ATL1: variants seen among roughly 807,000 people sequenced by gnomAD.
ATL1 encodes atlastin-1.
ATL1 carries 31 observed loss-of-function variants against 75.5 expected under a neutral mutation model. That is an observed-to-expected ratio of 0.41 (90% CI 0.31 to 0.55). The LOEUF is 0.55. ATL1 is among the 20% of genes least tolerant of loss of function. ATL1 has a pLI of 0.27. For missense variants in ATL1, 405 were observed against 662.6 expected, an observed-to-expected ratio of 0.61 and a Z score of 4.27; for synonymous variants, 226 against 233.3, an observed-to-expected ratio of 0.97 and a Z score of 0.28.
Position 50,614,528 on chromosome 14 carries a change from G to C in ATL1, c.862+17G>C, listed in dbSNP as rs750572334. On this transcript the variant is annotated intron_variant, in intron 8 of 13. Coordinates refer to ENST00000358385, the MANE Select transcript of ATL1 (RefSeq NM_015915.5). ...AATTGAAAGGTTTGTGTCTTTTAAT[G>C]AATATGTTTGCATCACTTAGTCTGA... 1 of 1,612,468 alleles carries C rather than the reference G, an allele frequency of 6.2e-7. No homozygotes were observed. Among genetic ancestry groups the C allele is most frequent in the Admixed American group, 1.7e-5 (1 of 59,880 alleles).
intron 1 of ATL1, among the ~76,000 whole-genome samples, chr14:50,563,030 C>T (rs1280184490): frequency 6.6e-6 from 1 of 152,192 alleles, no homozygotes; most frequent in East Asian, 1.9e-4. Context: ...ATGATTGACC[C>T]AGGATTCCTG....
chr14:50,596,982 G>T (rs960164974), intron 6 of ATL1, among the ~76,000 whole-genome samples: 2 of 152,020 alleles, frequency 1.3e-5, no homozygotes, highest in Non-Finnish European at 2.9e-5. Context: ...GGCTAAGGTG[G>T]GTGGATTGCT....
intron 12 of ATL1, chr14:50,628,713 CTTT>C: frequency 1.8e-6 from 1 of 549,022 alleles, no homozygotes; most frequent in Non-Finnish European, 3.4e-6. Flanking sequence ...AGTATATATA[CTTT>C]TTTTTCTTTT....
At chr14:50,594,998 C>CA (rs371065528) in intron 5 of ATL1, among the ~76,000 whole-genome samples, 2,290 of 85,780 alleles carry the variant, frequency 0.027, 46 homozygotes, top group African/African-American at 0.049. Flanking sequence ...GACCCTGTCT[C>CA]AAAAAAAAAA....
chr14:50,610,199 G>GA (rs1277530301), intron 6 of ATL1, among the ~76,000 whole-genome samples: 1 of 152,114 alleles, frequency 6.6e-6, no homozygotes, highest in East Asian at 1.9e-4. Flanking sequence ...AATAAAACTT[G>GA]AATCTTCATA....
At chr14:50,625,778 C>T (rs533448840) in intron 11 of ATL1, among the ~76,000 whole-genome samples, 27 of 151,910 alleles carry the variant, frequency 1.8e-4, no homozygotes, top group African/African-American at 1.5e-4. Context: ...GGCGCAGAGG[C>T]GGGCACCTGT....
At chr14:50,565,325 A>C (rs961019261) in intron 1 of ATL1, among the ~76,000 whole-genome samples, 17 of 151,404 alleles carry the variant, frequency 1.1e-4, no homozygotes, top group African/African-American at 2.4e-4. Flanking sequence ...AACAAAAAAA[A>C]CCACCCCAAA....
chr14:50,577,856 A>C (rs1461894533), intron 1 of ATL1, among the ~76,000 whole-genome samples: 2 of 152,170 alleles, frequency 1.3e-5, no homozygotes. Context: ...ATTGCTGAAT[A>C]ATATTTCATT....
intron 1 of ATL1, among the ~76,000 whole-genome samples, chr14:50,574,969 A>ATC: frequency 3.0e-5 from 4 of 131,962 alleles, no homozygotes; most frequent in African/African-American, 8.8e-5. Context: ...ATATATATAT[A>ATC]TATATATTAG....
At chr14:50,588,485 A>G (rs1481993015) in intron 2 of ATL1, among the ~76,000 whole-genome samples, 1 of 152,198 alleles carries the variant, frequency 6.6e-6, no homozygotes, top group Non-Finnish European at 1.5e-5. Context: ...CTTGGTATCC[A>G]CCACCCAGAT....
At chr14:50,543,633 A>G (rs1008544495) in intron 1 of ATL1, among the ~76,000 whole-genome samples, 8 of 152,326 alleles carry the variant, frequency 5.3e-5, no homozygotes, top group South Asian at 2.1e-4. Context: ...AGAAGGATCA[A>G]TCGTGGTGCT....
At chr14:50,606,599 G>A (rs186374677) in intron 6 of ATL1, among the ~76,000 whole-genome samples, 21 of 152,110 alleles carry the variant, frequency 1.4e-4, no homozygotes, top group Admixed American at 8.5e-4. Flanking sequence ...GGGAACCTAA[G>A]GCAGAATTTG....
At chr14:50,586,037 A>G (rs1295225976) in intron 1 of ATL1, among the ~76,000 whole-genome samples, 1 of 152,218 alleles carries the variant, frequency 6.6e-6, no homozygotes, top group Non-Finnish European at 1.5e-5. Flanking sequence ...TAAAGTTATC[A>G]ATGTGATATA....
upstream of ATL1, among the ~76,000 whole-genome samples, chr14:50,557,948 A>AATGTTAAAAGGACAC (rs2038784080): frequency 6.6e-6 from 1 of 152,234 alleles, no homozygotes; most frequent in Non-Finnish European, 1.5e-5. Flanking sequence ...AAAAAGGGAC[A>AATGTTAAAAGGACAC]ATGTTAAAAG....
chr14:50,571,620 T>C (rs2038955967), intron 1 of ATL1, among the ~76,000 whole-genome samples: 1 of 152,228 alleles, frequency 6.6e-6, no homozygotes, highest in African/African-American at 2.4e-5. Context: ...GTTAATACGT[T>C]TAATTAGATC....
intron 6 of ATL1, among the ~76,000 whole-genome samples, chr14:50,612,120 A>C (rs919663958): frequency 5.3e-5 from 8 of 152,174 alleles, no homozygotes; most frequent in African/African-American, 1.9e-4. Flanking sequence ...TCACAAATAT[A>C]ATGTTGAGTG....
At chr14:50,578,030 A>C (rs2039022483) in intron 1 of ATL1, among the ~76,000 whole-genome samples, 1 of 152,152 alleles carries the variant, frequency 6.6e-6, no homozygotes. Flanking sequence ...ATACAAACTA[A>C]TGGCTATATA....
chr14:50,553,617 A>G (rs2038730163), intron 1 of ATL1, among the ~76,000 whole-genome samples: 1 of 152,198 alleles, frequency 6.6e-6, no homozygotes, highest in South Asian at 2.1e-4. Context: ...ACCCAAAGGA[A>G]AATAAGTCAT....
At position 50,620,971 on chromosome 14, in the gene ATL1, G is replaced by A. The variant is rs963626; in HGVS notation, c.990+245G>A. Reference sequence around the variant, plus strand: ...TATTGTCCCCTTTTATCTTGAGGGAGCTGTATTTTGAAATATGAATGTAAG... The same window carrying A: ...TATTGTCCCCTTTTATCTTGAGGGAACTGTATTTTGAAATATGAATGTAAG... On this transcript the variant is annotated intron_variant, in intron 9 of 13. Coordinates refer to ENST00000358385, the MANE Select transcript of ATL1 (RefSeq NM_015915.5). Among the ~76,000 whole-genome samples, 108,748 of 152,054 alleles carry A rather than the reference G, an allele frequency of 0.72. 39,122 individuals carry two copies. The highest frequency in any genetic ancestry group is 0.82 in the East Asian group (4,241 of 5,178).
Sources: gnomAD v4.1 joint callset for allele counts (sites outside exome capture counted in the v4.1 genomes callset) on GRCh38, gnomAD v4.1.1 for gene constraint, MANE v1.5 for transcripts, NCBI Gene and HGNC (gene_info 2026-07-23, HGNC 2026-07-21) for gene names.